Variants in TMEM108 observed in about 807,000 individuals in gnomAD.
TMEM108 encodes transmembrane protein 108, also known as cancer/testis antigen 124.
Under a neutral mutation model 35.1 loss-of-function variants are expected in TMEM108, and 12 were observed. The observed-to-expected ratio is 0.34, with a 90% CI of 0.22 to 0.55. The LOEUF is 0.55. Among genes scored for constraint, TMEM108 ranks in the 20% least tolerant of loss-of-function variants. The probability of loss-of-function intolerance (pLI) is 0.89; values close to 1 mark genes in which losing one functional copy is unlikely to be tolerated. For missense variants in TMEM108, 680 were observed against 753.3 expected (o/e 0.90, Z 1.14); for synonymous variants, 287 against 308.6 (o/e 0.93, Z 0.73).
intron 2 of TMEM108, among the ~76,000 whole-genome samples, chr3:133,140,803 A>G (rs1944630759): frequency 6.6e-6 from 1 of 152,196 alleles, no homozygotes; most frequent in Non-Finnish European, 1.5e-5. Flanking sequence ...GGCTCTAAGA[A>G]TGGGATAGAA....
intron 3 of TMEM108, among the ~76,000 whole-genome samples, chr3:133,312,751 C>T (rs1192739887): frequency 6.6e-6 from 1 of 152,210 alleles, no homozygotes; most frequent in Non-Finnish European, 1.5e-5. Context: ...TCCAACCAGT[C>T]CCAGTGAGAT....
intron 3 of TMEM108, among the ~76,000 whole-genome samples, chr3:133,372,252 A>T (rs1386780327): frequency 6.6e-6 from 1 of 152,166 alleles, no homozygotes; most frequent in Non-Finnish European, 1.5e-5. Flanking sequence ...AAAATTTCTC[A>T]GTTTCCAGGA....
At chr3:133,310,811 A>G (rs189455155) in intron 3 of TMEM108, among the ~76,000 whole-genome samples, 24 of 152,200 alleles carry the variant, frequency 1.6e-4, no homozygotes, top group Non-Finnish European at 2.8e-4. Context: ...CAGTTTCTTC[A>G]TAGCATCATT....
At chr3:133,093,374 G>C (rs551486056) in intron 2 of TMEM108, among the ~76,000 whole-genome samples, 1 of 152,256 alleles carries the variant, frequency 6.6e-6, no homozygotes, top group South Asian at 2.1e-4. Context: ...TAGAACTCTT[G>C]GGACACCACA....
At chr3:133,334,809 G>A (rs1445170516) in intron 3 of TMEM108, among the ~76,000 whole-genome samples, 2 of 152,158 alleles carry the variant, frequency 1.3e-5, no homozygotes, top group East Asian at 3.8e-4. Context: ...ACTGATACAT[G>A]GTGTTCCTGG....
chr3:133,315,199 G>A (rs768785496), intron 3 of TMEM108, among the ~76,000 whole-genome samples: 7 of 152,182 alleles, frequency 4.6e-5, no homozygotes, highest in Non-Finnish European at 8.8e-5. Flanking sequence ...GTAAAGGCAT[G>A]GATTAATATC....
chr3:133,234,649 G>C (rs1465419698), intron 3 of TMEM108, among the ~76,000 whole-genome samples: 2 of 152,066 alleles, frequency 1.3e-5, no homozygotes. Flanking sequence ...ATATCATACT[G>C]AATGGGCAAA....
rs1410686428 is a variant in TMEM108 at position 133,380,184 on chromosome 3, C to A, written c.473C>A (p.Pro158His). The stretch of plus-strand genomic sequence containing the variant: ...ACCAGCCGCCCCACCACAGCGCCCC[C>A]CCGCACTACCACACGCAGGCCCCCC... Reference protein sequence around the residue: ...GATSRPTTAPPRTTTRRPPRP... With the variant: ...GATSRPTTAPHRTTTRRPPRP... Residue 158 changes from proline to histidine, a missense_variant, in exon 4 of 6, where the codon CCC (proline) becomes CAC (histidine). Transcript: ENST00000321871. The surrounding 1 kb of genome is among the most constrained non-coding windows in gnomAD (Gnocchi z 5.3). The A allele has an allele frequency of 6.2e-7, 1 of 1,611,966 alleles. No individual in the cohort carries two copies. Among genetic ancestry groups the A allele is most frequent in the South Asian group, 1.1e-5 (1 of 90,934 alleles).
intron 3 of TMEM108, among the ~76,000 whole-genome samples, chr3:133,293,649 G>T (rs534293326): frequency 6.6e-6 from 1 of 152,062 alleles, no homozygotes; most frequent in South Asian, 2.1e-4. Flanking sequence ...CGGATGTTGA[G>T]TGGTTTTGCT....
intron 4 of TMEM108, among the ~76,000 whole-genome samples, chr3:133,384,345 G>A (rs896582794): frequency 2.6e-5 from 4 of 152,178 alleles, no homozygotes; most frequent in African/African-American, 4.8e-5. Flanking sequence ...TCAGATGGGC[G>A]GGGTGCTGGG....
At chr3:133,116,223 G>T (rs558142470) in intron 2 of TMEM108, among the ~76,000 whole-genome samples, 1 of 152,228 alleles carries the variant, frequency 6.6e-6, no homozygotes, top group Non-Finnish European at 1.5e-5. Flanking sequence ...ATTTTGTGAT[G>T]CATCAGTAAT....
At chr3:133,122,584 G>T (rs1242736862) in intron 2 of TMEM108, among the ~76,000 whole-genome samples, 5 of 151,958 alleles carry the variant, frequency 3.3e-5, no homozygotes, top group African/African-American at 4.8e-5. Flanking sequence ...GGTCAACATT[G>T]GCCAGGCACG....
At chr3:133,112,886 G>A (rs1944242908) in intron 2 of TMEM108, among the ~76,000 whole-genome samples, 1 of 152,080 alleles carries the variant, frequency 6.6e-6, no homozygotes, top group South Asian at 2.1e-4. Flanking sequence ...AAAACCCACA[G>A]GATTTATGGT....
At chr3:133,228,150 A>T (rs1946101105) in intron 2 of TMEM108, among the ~76,000 whole-genome samples, 2 of 151,684 alleles carry the variant, frequency 1.3e-5, no homozygotes, top group African/African-American at 2.4e-5. Context: ...TGAATTGTAT[A>T]CCTTAAAGGC....
At chr3:133,286,105 C>T (rs184204369) in intron 3 of TMEM108, among the ~76,000 whole-genome samples, 5 of 152,264 alleles carry the variant, frequency 3.3e-5, no homozygotes, top group East Asian at 1.9e-4. Context: ...CGTAAATGTG[C>T]GTTGAATTAA....
chr3:133,251,645 T>C (rs1184117924), intron 3 of TMEM108, among the ~76,000 whole-genome samples: 3 of 152,120 alleles, frequency 2.0e-5, no homozygotes, highest in South Asian at 2.1e-4. Context: ...GGAAGAGATA[T>C]TGGATAGGTA....
chr3:133,234,364 A>C (rs1254959776), intron 3 of TMEM108, among the ~76,000 whole-genome samples: 1 of 152,192 alleles, frequency 6.6e-6, no homozygotes, highest in Non-Finnish European at 1.5e-5. Flanking sequence ...AAATACTGGC[A>C]AACCAAATCC....
chr3:133,090,913 T>C (rs1943939383), intron 2 of TMEM108, among the ~76,000 whole-genome samples: 1 of 152,208 alleles, frequency 6.6e-6, no homozygotes, highest in South Asian at 2.1e-4. Flanking sequence ...TGTTAAATGA[T>C]AGTTATCTGC....
intron 3 of TMEM108, among the ~76,000 whole-genome samples, chr3:133,235,609 A>C (rs1170871055): frequency 2.0e-5 from 3 of 152,136 alleles, no homozygotes; most frequent in Non-Finnish European, 4.4e-5. Context: ...GGTGGTATTG[A>C]ATGAGATGAC....
Sources: gnomAD v4.1 joint callset for allele counts (sites outside exome capture counted in the v4.1 genomes callset) on GRCh38, gnomAD v4.1.1 for gene constraint, Gnocchi (gnomAD v3.1) non-coding constraint, MANE v1.5 for transcripts, NCBI Gene and HGNC (gene_info 2026-07-23, HGNC 2026-07-21) for gene names.